The following CELF4 variants were observed in gnomAD, a reference collection of about 807,000 sequenced individuals.
CELF4 encodes CUGBP Elav-like family member 4.
Under a neutral mutation model 59.9 loss-of-function variants are expected in CELF4, and 18 were observed. That is an observed-to-expected ratio of 0.30 (90% CI 0.21 to 0.45). The LOEUF (loss-of-function observed/expected upper bound fraction) is 0.45. CELF4 is among the 20% of genes least tolerant of loss of function. CELF4 has a pLI of 1.00. For synonymous variants in CELF4, 261 were observed against 267.1 expected (o/e 0.98, Z 0.22); for missense variants, 456 against 689.0 (o/e 0.66, Z 3.79).
At chr18:37,455,492 G>T (rs906703103) in intron 2 of CELF4, among the ~76,000 whole-genome samples, 2 of 152,192 alleles carry the variant, frequency 1.3e-5, no homozygotes, top group Non-Finnish European at 2.9e-5. Flanking sequence ...GGGCAGGAAG[G>T]AATGTGGTTT....
At chr18:37,312,456 AT>A (rs2096711208) in intron 3 of CELF4, among the ~76,000 whole-genome samples, 1 of 152,190 alleles carries the variant, frequency 6.6e-6, no homozygotes, top group African/African-American at 2.4e-5. Flanking sequence ...TTGTGTTGTA[AT>A]GTCATTTCTT....
chr18:37,550,504 A>G (rs2099982849), intron 1 of CELF4, among the ~76,000 whole-genome samples: 1 of 152,206 alleles, frequency 6.6e-6, no homozygotes, highest in Admixed American at 6.5e-5. Context: ...AAACTTTCCC[A>G]GAGTTGGTGC....
intron 3 of CELF4, among the ~76,000 whole-genome samples, chr18:37,312,821 C>A (rs894070048): frequency 6.6e-6 from 1 of 152,174 alleles, no homozygotes; most frequent in African/African-American, 2.4e-5. Context: ...ATCCAAACTC[C>A]CCTTGGTTTC....
chr18:37,326,540 C>T (rs977942102), intron 2 of CELF4, among the ~76,000 whole-genome samples: 2 of 152,162 alleles, frequency 1.3e-5, no homozygotes, highest in African/African-American at 4.8e-5. Context: ...GGCCCTGTGG[C>T]CTTCAGTTGG....
Position 37,436,351 on chromosome 18 carries a change from C to T in CELF4, c.369+49174G>A, listed in dbSNP as rs557930256. 6.9e-4 allele frequency among the ~76,000 whole-genome samples: 105 copies of T among 152,348 alleles called. No individual in the cohort carries two copies. In the South Asian group the frequency reaches 0.013, roughly 19 times the overall value. On this transcript the variant is annotated intron_variant, in intron 2 of 12. Transcript: ENST00000420428. ...ACCGGTTACCATTTCCTGAGGGCTT[C>T]CTGCCCGGGGTGCTGTGCTAAAAGC...
At chr18:37,416,682 C>G (rs2099531551) in intron 2 of CELF4, among the ~76,000 whole-genome samples, 2 of 152,324 alleles carry the variant, frequency 1.3e-5, no homozygotes, top group South Asian at 2.1e-4. Context: ...TCTCATGCAT[C>G]AAGCCCAGGG....
intron 2 of CELF4, among the ~76,000 whole-genome samples, chr18:37,456,564 G>T (rs962538706): frequency 6.6e-5 from 10 of 152,124 alleles, no homozygotes; most frequent in African/African-American, 2.4e-4. Context: ...TCCCTTATCT[G>T]CAGGGCCACA....
chr18:37,312,090 T>C (rs1321734646), intron 3 of CELF4, among the ~76,000 whole-genome samples: 1 of 113,992 alleles, frequency 8.8e-6, no homozygotes, highest in Middle Eastern at 0.011. Flanking sequence ...CAGCCTGGGC[T>C]ACAGAGCGAG....
intron 1 of CELF4, among the ~76,000 whole-genome samples, chr18:37,548,812 AC>A (rs2099982252): frequency 1.3e-5 from 2 of 152,124 alleles, no homozygotes; most frequent in Admixed American, 6.6e-5. Context: ...TGGGGCAAGG[AC>A]CCAGGCATGT....
intron 2 of CELF4, among the ~76,000 whole-genome samples, chr18:37,330,098 G>A (rs1180624148): frequency 2.6e-5 from 4 of 152,220 alleles, no homozygotes; most frequent in South Asian, 2.1e-4. Flanking sequence ...CAACCAACTC[G>A]ATAAGGACAG....
At chr18:37,422,848 T>A (rs2099586657) in intron 2 of CELF4, among the ~76,000 whole-genome samples, 1 of 152,174 alleles carries the variant, frequency 6.6e-6, no homozygotes, top group Admixed American at 6.5e-5. Flanking sequence ...TCATCCCTCG[T>A]CCTATTTCCC....
At chr18:37,353,076 C>A (rs1266040491) in intron 2 of CELF4, among the ~76,000 whole-genome samples, 2 of 151,824 alleles carry the variant, frequency 1.3e-5, no homozygotes, top group East Asian at 3.9e-4. Flanking sequence ...AAAAAATTAG[C>A]CGGGTGTGAT....
chr18:37,256,236 C>A (rs1002258475), intron 11 of CELF4, among the ~76,000 whole-genome samples: 1 of 152,304 alleles, frequency 6.6e-6, no homozygotes, highest in South Asian at 2.1e-4. Context: ...CTATGGTATT[C>A]CCCCAGCCCT....
intron 2 of CELF4, among the ~76,000 whole-genome samples, chr18:37,447,668 C>A (rs1444680524): frequency 6.6e-6 from 1 of 152,194 alleles, no homozygotes; most frequent in African/African-American, 2.4e-5. Context: ...CCACATGGGC[C>A]CTGGGTTGAG....
intron 2 of CELF4, among the ~76,000 whole-genome samples, chr18:37,387,408 C>A (rs375438907): frequency 1.3e-5 from 2 of 152,222 alleles, no homozygotes; most frequent in African/African-American, 4.8e-5. Context: ...CAGAACCACA[C>A]GCAGCCAACT....
At chr18:37,510,982 A>G (rs768176962) in intron 1 of CELF4, among the ~76,000 whole-genome samples, 20 of 152,056 alleles carry the variant, frequency 1.3e-4, no homozygotes, top group Non-Finnish European at 2.9e-4. Flanking sequence ...ACCCAGGGGC[A>G]CTATTTGTCA....
chr18:37,294,046 C>A (rs2095500288), intron 3 of CELF4, among the ~76,000 whole-genome samples: 2 of 152,076 alleles, frequency 1.3e-5, no homozygotes, highest in Non-Finnish European at 2.9e-5. Context: ...CTTCCAATAC[C>A]CCCCATCCCA....
intron 2 of CELF4, among the ~76,000 whole-genome samples, chr18:37,431,933 C>T (rs765005091): frequency 2.0e-5 from 3 of 152,204 alleles, no homozygotes; most frequent in Non-Finnish European, 2.9e-5. Context: ...CCTTGGCTTT[C>T]GTTCTGTGGA....
At chr18:37,554,309 C>T (rs1309187529) in intron 1 of CELF4, among the ~76,000 whole-genome samples, 1 of 152,146 alleles carries the variant, frequency 6.6e-6, no homozygotes, top group East Asian at 1.9e-4. Context: ...GATGTGAGCA[C>T]CTGGGTGGGA....
Sources: gnomAD v4.1 joint callset for allele counts (sites outside exome capture counted in the v4.1 genomes callset) on GRCh38, gnomAD v4.1.1 for gene constraint, MANE v1.5 for transcripts, NCBI Gene and HGNC (gene_info 2026-07-23, HGNC 2026-07-21) for gene names.